The following FUT8 variants were observed in gnomAD, a reference collection of about 807,000 sequenced individuals.
The protein encoded by FUT8 is alpha-(1,6)-fucosyltransferase.
FUT8 carries 29 observed loss-of-function variants against 71.3 expected under a neutral mutation model. The observed-to-expected ratio is 0.41, with a 90% CI of 0.30 to 0.55. The LOEUF is 0.55. Among genes scored for constraint, FUT8 ranks in the 20% least tolerant of loss-of-function variants. The pLI is 0.34. For missense variants in FUT8, 544 were observed against 702.1 expected (o/e 0.77, Z 2.55); for synonymous variants, 254 against 239.3 (o/e 1.06, Z -0.57).
In FUT8 at chr14:65,603,160, A is replaced by G. The variant is rs1888396252; in HGVS notation, c.204-12818A>G. On this transcript the variant is annotated intron_variant, in intron 3 of 10. Coordinates refer to ENST00000673929, the MANE Select transcript of FUT8 (RefSeq NM_001371533.1). This position sits in a 1 kb window ranked among gnomAD's most constrained non-coding sequence, Gnocchi z 4.5. Reference sequence around the variant, plus strand: ...ATCCATCTTGAGTTGATTTTTGTGTAAGGTGAGAGATGAGGTTTTATTCTG... The same window carrying G: ...ATCCATCTTGAGTTGATTTTTGTGTGAGGTGAGAGATGAGGTTTTATTCTG... Among the ~76,000 whole-genome samples the G allele has an allele frequency of 6.6e-6, 1 of 151,936 alleles. No homozygotes were observed. The highest frequency in any genetic ancestry group is 2.4e-5 in the African/African-American group (1 of 41,398).
At chr14:65,677,114 T>TTG (rs1555383258) in intron 7 of FUT8, among the ~76,000 whole-genome samples, 5,447 of 110,108 alleles carry the variant, frequency 0.049, 166 homozygotes, top group Middle Eastern at 0.1. Context: ...AAAGACATAT[T>TTG]TGTGTGTGTG....
intron 3 of FUT8, among the ~76,000 whole-genome samples, chr14:65,593,581 C>CT (rs71126767): frequency 0.36 from 52,580 of 147,188 alleles, 11,430 homozygotes; most frequent in Non-Finnish European, 0.5. Flanking sequence ...CTTTTCTTTT[C>CT]TTTTTTTTTT....
chr14:65,683,141 G>A (rs921929854), intron 7 of FUT8, among the ~76,000 whole-genome samples: 1 of 151,832 alleles, frequency 6.6e-6, no homozygotes, highest in South Asian at 2.1e-4. Flanking sequence ...AGCCTCTTGA[G>A]TAGCTGGAAT....
At chr14:65,552,661 A>G (rs181928183) in intron 2 of FUT8, among the ~76,000 whole-genome samples, 4 of 152,076 alleles carry the variant, frequency 2.6e-5, no homozygotes, top group Non-Finnish European at 2.9e-5. Flanking sequence ...TAATACTTCA[A>G]ATGTGCTCCC....
At chr14:65,611,211 GCGCGCGCGCGCGCACACACACA>G (rs1888910096) in intron 3 of FUT8, among the ~76,000 whole-genome samples, 2 of 11,696 alleles carry the variant, frequency 1.7e-4, no homozygotes, top group African/African-American at 1.1e-4. Context: ...GCGCGCGCGC[GCGCGCGCGCGCGCACACACACA>G]CACACACACA....
chr14:65,696,663 T>C (rs1390785782), intron 7 of FUT8, among the ~76,000 whole-genome samples: 2 of 152,078 alleles, frequency 1.3e-5, no homozygotes, highest in Admixed American at 6.5e-5. Context: ...TTCAGTAATT[T>C]TTTCTTTTTC....
At chr14:65,418,129 T>G (rs1343666544) in intron 1 of FUT8, among the ~76,000 whole-genome samples, 1 of 152,214 alleles carries the variant, frequency 6.6e-6, no homozygotes, top group Non-Finnish European at 1.5e-5. Flanking sequence ...AATTAGTTTT[T>G]CTAATGAATA....
chr14:65,565,427 A>G (rs1000724996), intron 3 of FUT8, among the ~76,000 whole-genome samples: 1 of 151,462 alleles, frequency 6.6e-6, no homozygotes, highest in Non-Finnish European at 1.5e-5. Flanking sequence ...ATGTGAGGTT[A>G]TTTCCATTTT....
chr14:65,450,777 A>G (rs550155651), intron 1 of FUT8, among the ~76,000 whole-genome samples: 21 of 151,694 alleles, frequency 1.4e-4, no homozygotes, highest in Non-Finnish European at 3.1e-4. Context: ...ATTTTTTTCT[A>G]TTACGTAATG....
intron 2 of FUT8, among the ~76,000 whole-genome samples, chr14:65,486,062 C>T (rs2066405588): frequency 6.6e-6 from 1 of 152,092 alleles, no homozygotes; most frequent in South Asian, 2.1e-4. Flanking sequence ...CATTATTTTC[C>T]ATTTTTTAAA....
At chr14:65,613,320 C>A (rs1889105394) in intron 3 of FUT8, among the ~76,000 whole-genome samples, 1 of 152,104 alleles carries the variant, frequency 6.6e-6, no homozygotes, top group South Asian at 2.1e-4. Context: ...TATATTGCTG[C>A]CAAAATAAAT....
At chr14:65,366,378 C>T in the FUT8 span, among the ~76,000 whole-genome samples, 1 of 152,180 alleles carries the variant, frequency 6.6e-6, no homozygotes, top group Non-Finnish European at 1.5e-5. Context: ...ATGGACCAGA[C>T]TTAGAAAGAC....
chr14:65,722,045 A>T, intron 8 of FUT8, 24 bp downstream of exon 8: 1 of 1,611,786 alleles, frequency 6.2e-7, no homozygotes, highest in Non-Finnish European at 8.5e-7. Context: ...TTTTTCCCTC[A>T]AACTGTGATA....
At chr14:65,533,824 T>C (rs1001669429) in intron 2 of FUT8, among the ~76,000 whole-genome samples, 8 of 152,156 alleles carry the variant, frequency 5.3e-5, no homozygotes, top group African/African-American at 1.9e-4. Flanking sequence ...CATTGAGAGT[T>C]TTTAACATGA....
chr14:65,584,548 A>G (rs1004920999), intron 3 of FUT8, among the ~76,000 whole-genome samples: 9 of 152,230 alleles, frequency 5.9e-5, no homozygotes, highest in African/African-American at 2.2e-4. Context: ...ATTACTGTCT[A>G]TCACTGTTGC....
rs1202897884 is a variant in FUT8, at chr14:65,610,372, AT to A, written c.204-5603del. On this transcript the variant is annotated intron_variant, in intron 3 of 10. Transcript: ENST00000673929. ...TTATCAGGTTGAGGAAATTTCCTTA[AT>A]TTCCTAGTTTCTGACACCTTTTTTT... Among the ~76,000 whole-genome samples, 3 of 147,386 alleles carry A rather than the reference AT, an allele frequency of 2.0e-5. 1 individual carries two copies. Among genetic ancestry groups the A allele is most frequent in the Non-Finnish European group, 4.5e-5 (3 of 67,120 alleles).
intron 5 of FUT8, among the ~76,000 whole-genome samples, chr14:65,626,600 G>A (rs933467451): frequency 6.6e-6 from 1 of 152,142 alleles, no homozygotes; most frequent in African/African-American, 2.4e-5. Flanking sequence ...TAACCTCTCA[G>A]TGCCTGCCAT....
At position 65,561,474 on chromosome 14, in the gene FUT8, A is replaced by G. The variant is rs760945443; in HGVS notation, c.-90A>G. 13 of 1,185,350 alleles carry G rather than the reference A, an allele frequency of 1.1e-5. No individual in the cohort carries two copies. In the Admixed American group the frequency reaches 1.5e-4, roughly 13 times the overall value. The allele number at this position is 1,185,350 out of a possible 1,614,324, so 73.4% of individuals were successfully genotyped here. The stretch of plus-strand genomic sequence containing the variant: ...TCATGTGTTGAAACAACAGAAGTCT[A>G]TTCACCTGTGCACTAACTAGAAACA... On this transcript the variant is annotated 5_prime_UTR_variant, in exon 3 of 11. Coordinates refer to ENST00000673929, the MANE Select transcript of FUT8 (RefSeq NM_001371533.1).
intron 2 of FUT8, among the ~76,000 whole-genome samples, chr14:65,521,384 A>T (rs565712457): frequency 4.6e-5 from 7 of 152,220 alleles, no homozygotes; most frequent in Admixed American, 2.0e-4. Context: ...TTATACACTC[A>T]CAATATTTAT....
Sources: allele counts gnomAD v4.1 joint callset (sites outside exome capture counted in the v4.1 genomes callset), GRCh38; gene constraint gnomAD v4.1.1; non-coding constraint Gnocchi (gnomAD v3.1); transcripts MANE v1.5; gene names NCBI Gene and HGNC (gene_info 2026-07-23, HGNC 2026-07-21).